Variants in NCKAP5 observed in about 807,000 individuals in gnomAD.
The protein encoded by NCKAP5 is NCK associated protein 5.
In NCKAP5, 92 loss-of-function variants were observed where a neutral mutation model predicts 167.0. That is an observed-to-expected ratio of 0.55 (90% CI 0.47 to 0.66). NCKAP5 has a LOEUF of 0.66. NCKAP5 is among the 30% of genes least tolerant of loss of function. The pLI is 0.00. For synonymous variants in NCKAP5, 891 were observed against 877.4 expected (o/e 1.02, Z -0.27); for missense variants, 2,378 against 2,315.0 (o/e 1.03, Z -0.56).
At chr2:132,807,788 T>A (rs1308455154) in intron 11 of NCKAP5, among the ~76,000 whole-genome samples, 1 of 152,086 alleles carries the variant, frequency 6.6e-6, no homozygotes, top group African/African-American at 2.4e-5. Context: ...GGATTTCCAG[T>A]ACTATGCTGA....
intron 3 of NCKAP5, among the ~76,000 whole-genome samples, chr2:133,411,428 A>C (rs1274527516): frequency 1.3e-5 from 2 of 152,228 alleles, no homozygotes; most frequent in African/African-American, 4.8e-5. Context: ...TGCAGGACTC[A>C]GTGGAAGCTG....
chr2:133,409,128 T>C (rs1293491444), intron 3 of NCKAP5, among the ~76,000 whole-genome samples: 4 of 152,248 alleles, frequency 2.6e-5, no homozygotes, highest in African/African-American at 4.8e-5. Flanking sequence ...TAGATTCTTT[T>C]TGGCAGATAC....
In NCKAP5 at chr2:132,781,116, G is replaced by A; in HGVS notation, c.4985C>T (p.Thr1662Ile). Reference protein sequence around the residue: ...GSCLIGSSISTQGNHKKNMKI... With the variant: ...GSCLIGSSISIQGNHKKNMKI... ...CATGTTTTTCTTGTGGTTTCCTTGA[G>A]TACTGATAGAGCTGCCGATGAGACA... The change falls in exon 15 of 20, where the codon ACT (threonine) becomes ATT (isoleucine). Residue 1662 changes from threonine (T) to isoleucine (I), a missense_variant. Physicochemically the swap from Thr to Ile is moderately conservative, Grantham distance 89 (BLOSUM62 -1). Coordinates refer to ENST00000409261, the MANE Select transcript of NCKAP5 (RefSeq NM_207363.3). 6.2e-7 allele frequency: 1 copy of A among 1,613,874 alleles called. No homozygotes were observed.
chr2:133,532,005 C>A (rs1265258093), intron 2 of NCKAP5, among the ~76,000 whole-genome samples: 1 of 152,146 alleles, frequency 6.6e-6, no homozygotes, highest in African/African-American at 2.4e-5. Flanking sequence ...TCTTGCTGTG[C>A]ATAAATTATA....
chr2:133,251,739 A>G (rs2088348678), intron 4 of NCKAP5, among the ~76,000 whole-genome samples: 1 of 152,232 alleles, frequency 6.6e-6, no homozygotes, highest in Non-Finnish European at 1.5e-5. Flanking sequence ...CCAGTAATTC[A>G]TACAAATAAA....
chr2:133,124,651 T>A (rs994056917), intron 6 of NCKAP5, among the ~76,000 whole-genome samples: 2 of 152,210 alleles, frequency 1.3e-5, no homozygotes, highest in Admixed American at 1.3e-4. Context: ...TGTTCATATA[T>A]GTACGTAAGA....
chr2:133,400,862 TC>T (rs1688054149), intron 3 of NCKAP5, among the ~76,000 whole-genome samples: 1 of 152,220 alleles, frequency 6.6e-6, no homozygotes, highest in South Asian at 2.1e-4. Flanking sequence ...TTGTTCTGTA[TC>T]CCTGCTCCCT....
chr2:133,448,591 A>G (rs1005106270), intron 3 of NCKAP5, among the ~76,000 whole-genome samples: 1 of 152,188 alleles, frequency 6.6e-6, no homozygotes, highest in African/African-American at 2.4e-5. Flanking sequence ...TTTTTTTCTT[A>G]AAGCATTTTT....
At chr2:133,383,488 A>T (rs1401230969) in intron 3 of NCKAP5, among the ~76,000 whole-genome samples, 1 of 152,154 alleles carries the variant, frequency 6.6e-6, no homozygotes, top group Admixed American at 6.5e-5. Context: ...GGTTGGTTCC[A>T]AGTCTTTGCT....
At chr2:133,175,662 AGAAG>A (rs2084429324) in intron 5 of NCKAP5, among the ~76,000 whole-genome samples, 1 of 152,220 alleles carries the variant, frequency 6.6e-6, no homozygotes, top group Non-Finnish European at 1.5e-5. Flanking sequence ...GTCACTAGTA[AGAAG>A]GAATTATTTG....
intron 3 of NCKAP5, among the ~76,000 whole-genome samples, chr2:133,472,589 C>G (rs770698262): frequency 6.6e-6 from 1 of 152,094 alleles, no homozygotes; most frequent in Non-Finnish European, 1.5e-5. Context: ...GTAAGCTCAT[C>G]TACTATCAAG....
the NCKAP5 span, among the ~76,000 whole-genome samples, chr2:133,666,735 A>T: frequency 6.6e-6 from 1 of 152,006 alleles, no homozygotes; most frequent in African/African-American, 2.4e-5. Context: ...AATCGATTTA[A>T]ATACTCTAAC....
intron 11 of NCKAP5, among the ~76,000 whole-genome samples, chr2:132,804,680 G>C (rs902911759): frequency 1.3e-5 from 2 of 152,140 alleles, no homozygotes; most frequent in African/African-American, 4.8e-5. Context: ...TTGCTCTGTG[G>C]GGGGAAGAGA....
At chr2:132,952,415 C>A (rs1405358317) in intron 8 of NCKAP5, among the ~76,000 whole-genome samples, 1 of 152,156 alleles carries the variant, frequency 6.6e-6, no homozygotes, top group African/African-American at 2.4e-5. Context: ...AAGCTTCTAC[C>A]TAAATCTGGC....
At chr2:133,484,807 C>A (rs928241304) in intron 3 of NCKAP5, among the ~76,000 whole-genome samples, 20 of 150,918 alleles carry the variant, frequency 1.3e-4, no homozygotes, top group East Asian at 5.8e-4. Context: ...ATTCTAAAAT[C>A]AAAAAAAAAT....
chr2:133,121,846 T>C (rs2082261033), intron 6 of NCKAP5: 1 of 152,156 alleles, frequency 6.6e-6, no homozygotes, highest in Non-Finnish European at 1.5e-5. Context: ...TATCAACAGG[T>C]GAATGAATAA....
intron 4 of NCKAP5, among the ~76,000 whole-genome samples, chr2:133,298,006 A>G (rs1419302772): frequency 1.3e-5 from 2 of 152,230 alleles, no homozygotes; most frequent in East Asian, 3.8e-4. Context: ...CACAGATTCT[A>G]TTCTAACTTA....
the NCKAP5 span, among the ~76,000 whole-genome samples, chr2:133,650,291 A>T: frequency 1.3e-5 from 2 of 152,188 alleles, no homozygotes; most frequent in Admixed American, 1.3e-4. Context: ...ATGGTACTCA[A>T]AGTGATCTAC....
intron 19 of NCKAP5, among the ~76,000 whole-genome samples, chr2:132,709,844 T>A (rs1033282954): frequency 6.6e-6 from 1 of 152,076 alleles, no homozygotes; most frequent in Non-Finnish European, 1.5e-5. Context: ...TTTTATGAGA[T>A]CAGTATTATT....
Sources: gnomAD v4.1 joint callset for allele counts (sites outside exome capture counted in the v4.1 genomes callset) on GRCh38, gnomAD v4.1.1 for gene constraint, MANE v1.5 for transcripts, NCBI Gene and HGNC (gene_info 2026-07-23, HGNC 2026-07-21) for gene names.